The following DSCAM variants were observed in gnomAD, a reference collection of about 807,000 sequenced individuals.
DSCAM encodes the protein cell adhesion molecule DSCAM.
Under a neutral mutation model 217.7 loss-of-function variants are expected in DSCAM, and 47 were observed. That is an observed-to-expected ratio of 0.22 (90% CI 0.17 to 0.28). DSCAM has a LOEUF of 0.28. DSCAM is among the 10% of genes least tolerant of loss of function. The pLI, the probability that DSCAM is intolerant of heterozygous loss-of-function variation, is 1.00. For missense variants in DSCAM, 2,080 were observed against 2,618.3 expected, an observed-to-expected ratio of 0.79 and a Z score of 4.49; for synonymous variants, 1,056 against 1,015.3, an observed-to-expected ratio of 1.04 and a Z score of -0.76.
intron 16 of DSCAM, among the ~76,000 whole-genome samples, chr21:40,154,419 T>G (rs2090455974): frequency 6.6e-6 from 1 of 151,730 alleles, no homozygotes; most frequent in Non-Finnish European, 1.5e-5. Flanking sequence ...ACCCGGCAAA[T>G]TTTTGAACTT....
chr21:40,377,405 C>A (rs969817834), intron 3 of DSCAM, among the ~76,000 whole-genome samples: 1 of 151,896 alleles, frequency 6.6e-6, no homozygotes, highest in Non-Finnish European at 1.5e-5. Flanking sequence ...CAGAGTGGGG[C>A]AGAAGCCATG....
chr21:40,533,588 T>C (rs1051106143), intron 3 of DSCAM, among the ~76,000 whole-genome samples: 1 of 148,804 alleles, frequency 6.7e-6, no homozygotes, highest in African/African-American at 2.5e-5. Context: ...CATCCAACCA[T>C]CCATCCACCT....
intron 11 of DSCAM, among the ~76,000 whole-genome samples, chr21:40,242,765 A>G (rs974263392): frequency 1.3e-5 from 2 of 152,050 alleles, no homozygotes; most frequent in Non-Finnish European, 2.9e-5. Context: ...CCTGCCCCCA[A>G]CCCCACAGTG....
intron 1 of DSCAM, among the ~76,000 whole-genome samples, chr21:40,791,967 G>C (rs1362063843): frequency 6.6e-6 from 1 of 152,016 alleles, no homozygotes; most frequent in Non-Finnish European, 1.5e-5. Flanking sequence ...ACAGACTCTG[G>C]ATCTTAGCAA....
Position 40,628,329 on chromosome 21 carries a change from T to C in DSCAM, c.508+64481A>G, listed in dbSNP as rs977277285. On this transcript the variant is annotated intron_variant, in intron 3 of 32. Transcript: ENST00000400454. ...CAGATGAGAGAACTTTGACAAATGA[T>C]TGAACCTCTACAAGCCTCAACTGCA... Among the ~76,000 whole-genome samples, 28 of 152,174 alleles carry C rather than the reference T, an allele frequency of 1.8e-4. 2 individuals carry two copies. Among genetic ancestry groups the C allele is most frequent in the Admixed American group, 1.6e-3 (24 of 15,278 alleles).
chr21:40,282,620 AGAT>A (rs1177968154), intron 10 of DSCAM, among the ~76,000 whole-genome samples: 7 of 146,656 alleles, frequency 4.8e-5, no homozygotes, highest in African/African-American at 7.7e-5. Context: ...AAAAAAAAAA[AGAT>A]AGGTAATCTA....
At chr21:40,037,271 T>C (rs1280154520) in intron 32 of DSCAM, among the ~76,000 whole-genome samples, 8 of 149,152 alleles carry the variant, frequency 5.4e-5, no homozygotes, top group South Asian at 2.1e-4. Flanking sequence ...AAAACCCCAT[T>C]GTCTCAGCCC....
intron 16 of DSCAM, among the ~76,000 whole-genome samples, chr21:40,156,067 A>C (rs199860116): frequency 2.1e-5 from 3 of 144,500 alleles, no homozygotes; most frequent in Admixed American, 2.1e-4. Flanking sequence ...ATATAATATA[A>C]TTTATATTAT....
intron 1 of DSCAM, among the ~76,000 whole-genome samples, chr21:40,804,668 T>C (rs1308322787): frequency 6.6e-6 from 1 of 152,206 alleles, no homozygotes; most frequent in Admixed American, 6.5e-5. Context: ...TTCTCAGTCT[T>C]CTTTACTCAG....
chr21:40,022,044 C>T (rs2088282270), intron 32 of DSCAM, among the ~76,000 whole-genome samples: 1 of 152,224 alleles, frequency 6.6e-6, no homozygotes, highest in Admixed American at 6.5e-5. Context: ...AAAATCAATA[C>T]TGAAATAACA....
chr21:40,378,416 G>C (rs1404236064), intron 3 of DSCAM, among the ~76,000 whole-genome samples: 1 of 152,146 alleles, frequency 6.6e-6, no homozygotes, highest in African/African-American at 2.4e-5. Flanking sequence ...CAACTTGCCA[G>C]TATATTTCAA....
intron 29 of DSCAM, among the ~76,000 whole-genome samples, chr21:40,054,359 C>T (rs946699020): frequency 1.3e-5 from 2 of 152,172 alleles, no homozygotes; most frequent in African/African-American, 2.4e-5. Flanking sequence ...TGCTGCTATG[C>T]CTGGACCAAA....
chr21:40,746,359 T>C (rs2091174261), intron 1 of DSCAM, among the ~76,000 whole-genome samples: 1 of 121,060 alleles, frequency 8.3e-6, no homozygotes, highest in Non-Finnish European at 1.7e-5. Context: ...AAAAAGATAT[T>C]CCAAACAAAT....
chr21:40,189,201 C>G lies in DSCAM; in HGVS notation c.2394G>C (p.Leu798=). 1 of 1,611,526 alleles carries G rather than the reference C, an allele frequency of 6.2e-7. No homozygotes were observed. The highest frequency in any genetic ancestry group is 1.1e-5 in the South Asian group (1 of 90,484). ...AMITSYPNTT[L]ATQGQKKEMS... is the part of the protein sequence containing the mutation. ...TCTCCTTTTTCTGCCCCTGCGTGGC[C>G]AGGGTAGTATTTGGATAGGATGTTA... The change falls in exon 12 of 33, where the codon CTG becomes CTC. Residue 798 remains leucine (L), a synonymous_variant. Transcript: ENST00000400454.
intron 20 of DSCAM, 55 bp from the exon 21 acceptor site, chr21:40,093,929 G>T (rs993653032): frequency 3.8e-6 from 6 of 1,575,856 alleles, no homozygotes; most frequent in South Asian, 3.4e-5. Context: ...GGCAAAAATG[G>T]ATTTCCCGAA....
chr21:40,432,607 C>T (rs2075545311), intron 3 of DSCAM, among the ~76,000 whole-genome samples: 1 of 152,170 alleles, frequency 6.6e-6, no homozygotes, highest in Admixed American at 6.5e-5. Context: ...GTGAATGGGG[C>T]ATTATTCAGC....
chr21:40,025,020 CTCTTA>C (rs2088348253), intron 32 of DSCAM, among the ~76,000 whole-genome samples: 1 of 113,878 alleles, frequency 8.8e-6, no homozygotes, highest in Non-Finnish European at 1.9e-5. Context: ...TCATAGATAG[CTCTTA>C]TTATTTTGAG....
intron 3 of DSCAM, among the ~76,000 whole-genome samples, chr21:40,390,529 C>T (rs982580355): frequency 6.6e-6 from 1 of 152,174 alleles, no homozygotes; most frequent in Non-Finnish European, 1.5e-5. Context: ...CAAAGTACTG[C>T]AAACCGGGTG....
intron 3 of DSCAM, among the ~76,000 whole-genome samples, chr21:40,413,549 C>T (rs1445033691): frequency 2.6e-5 from 4 of 152,212 alleles, no homozygotes; most frequent in African/African-American, 4.8e-5. Flanking sequence ...GCCAATTTCT[C>T]CTATTTCTCT....
Sources: allele counts gnomAD v4.1 joint callset (sites outside exome capture counted in the v4.1 genomes callset), GRCh38; gene constraint gnomAD v4.1.1; transcripts MANE v1.5; gene names NCBI Gene and HGNC (gene_info 2026-07-23, HGNC 2026-07-21).